The following ATP13A3 variants were observed in gnomAD, a reference collection of about 807,000 sequenced individuals.
The protein encoded by ATP13A3 is polyamine-transporting ATPase 13A3.
ATP13A3 carries 59 observed loss-of-function variants against 158.1 expected under a neutral mutation model. That is an observed-to-expected ratio of 0.37 (90% CI 0.30 to 0.46). The LOEUF (loss-of-function observed/expected upper bound fraction) is 0.46. Among genes scored for constraint, ATP13A3 ranks in the 20% least tolerant of loss-of-function variants. ATP13A3 has a pLI of 1.00. For synonymous variants in ATP13A3, 491 were observed against 504.3 expected (o/e 0.97, Z 0.35); for missense variants, 1,166 against 1,525.2 (o/e 0.76, Z 3.92).
chr3:194,420,121 G>T, intron 30 of ATP13A3, 154 bp from the exon 31 acceptor site: 1 of 775,902 alleles, frequency 1.3e-6, no homozygotes, highest in Non-Finnish European at 1.8e-6. Flanking sequence ...GTTATCTCCT[G>T]GAGTATGAGA....
chr3:194,479,649 T>C (rs1200677585), intron 2 of ATP13A3, among the ~76,000 whole-genome samples: 1 of 151,976 alleles, frequency 6.6e-6, no homozygotes, highest in Non-Finnish European at 1.5e-5. Flanking sequence ...ATTCCATGTT[T>C]AAAGAAATCT....
At chr3:194,483,329 C>T (rs757144008) in intron 2 of ATP13A3, among the ~76,000 whole-genome samples, 13 of 150,074 alleles carry the variant, frequency 8.7e-5, no homozygotes, top group Admixed American at 7.3e-4. Context: ...GTGATAAATG[C>T]CTGTAACCCT....
intron 11 of ATP13A3, 138 bp downstream of exon 11, chr3:194,450,007 G>C: frequency 1.1e-6 from 1 of 922,278 alleles, no homozygotes; most frequent in Non-Finnish European, 1.6e-6. Flanking sequence ...GGTCTACTCA[G>C]AATTTTAAAT....
At chr3:194,444,704 T>C in intron 15 of ATP13A3, 21 bp downstream of exon 15, 1 of 1,555,572 alleles carries the variant, frequency 6.4e-7, no homozygotes, top group Non-Finnish European at 8.7e-7. Context: ...TAATAAACTA[T>C]CAAGTCTAAC....
intron 7 of ATP13A3, 49 bp from the exon 8 acceptor site, chr3:194,456,011 T>C: frequency 8.3e-7 from 1 of 1,210,984 alleles, no homozygotes; most frequent in Non-Finnish European, 1.2e-6. Flanking sequence ...CATAATAGTA[T>C]AATTTACGAA....
intron 26 of ATP13A3, 101 bp downstream of exon 26, chr3:194,429,971 G>T (rs577606047): frequency 3.0e-5 from 34 of 1,122,848 alleles, no homozygotes; most frequent in Admixed American, 1.2e-4. Flanking sequence ...GTGCTAATCT[G>T]CTAATATTAA....
intron 21 of ATP13A3, among the ~76,000 whole-genome samples, chr3:194,433,538 C>A (rs1017311741): frequency 6.6e-6 from 1 of 152,148 alleles, no homozygotes; most frequent in Non-Finnish European, 1.5e-5. Flanking sequence ...CCACCGCGCC[C>A]GGCCGTACTT....
upstream of ATP13A3, among the ~76,000 whole-genome samples, chr3:194,491,442 T>C (rs1329517199): frequency 3.3e-5 from 5 of 152,098 alleles, no homozygotes; most frequent in East Asian, 7.8e-4. Flanking sequence ...TCCTTCCCCA[T>C]TGCTCCATTT....
At chr3:194,481,885 A>C (rs970682573) in intron 2 of ATP13A3, among the ~76,000 whole-genome samples, 1 of 152,250 alleles carries the variant, frequency 6.6e-6, no homozygotes, top group African/African-American at 2.4e-5. Flanking sequence ...ATCAACAAAA[A>C]AGACAAAATT....
At chr3:194,447,781 T>C in intron 13 of ATP13A3, 71 bp downstream of exon 13, 1 of 1,376,634 alleles carries the variant, frequency 7.3e-7, no homozygotes, top group Non-Finnish European at 1.0e-6. Flanking sequence ...GTAGCCACAT[T>C]TCAAATCCTC....
chr3:194,407,495 T>A (rs1400273560), intron 33 of ATP13A3, among the ~76,000 whole-genome samples: 2 of 152,180 alleles, frequency 1.3e-5, no homozygotes, highest in Non-Finnish European at 2.9e-5. Flanking sequence ...CTCTTTCTCA[T>A]CCAGTTGAAA....
At chr3:194,446,045 T>TG (rs34648644) in intron 14 of ATP13A3, among the ~76,000 whole-genome samples, 19,604 of 152,170 alleles carry the variant, frequency 0.13, 1,412 homozygotes, top group South Asian at 0.24. Flanking sequence ...TAAGAATTAC[T>TG]GTCTAAAAAA....
chr3:194,430,394 A>G, intron 24 of ATP13A3, 79 bp from the exon 25 acceptor site: 1 of 1,442,874 alleles, frequency 6.9e-7, no homozygotes. Context: ...CTTTTCTATT[A>G]CAGTATTATA....
chr3:194,492,259 C>T (rs1445053515), intron 2 of ATP13A3, among the ~76,000 whole-genome samples: 1 of 152,074 alleles, frequency 6.6e-6, no homozygotes, highest in Non-Finnish European at 1.5e-5. Flanking sequence ...TTTGTACAAT[C>T]TATTCTTTCC....
In ATP13A3 at chr3:194,430,082, T is replaced by C; in HGVS notation, c.2767A>G (p.Asn923Asp). The stretch of plus-strand genomic sequence containing the variant: ...TTTAATTTGTACTACCTGATAAGGT[T>C]TGGCACACAGGAAATACTAGGAGTC... The part of the protein sequence containing the change: ...SKTPSISCVP[N>D]LIREGRAALI... The change falls in exon 26 of 34, where the codon AAC becomes GAC. Residue 923 changes from asparagine to aspartate, a missense_variant. This residue lies in a region of ATP13A3 where 997 missense variants were observed against 1,341.2 expected (regional missense o/e 0.74). Coordinates refer to ENST00000645319, the MANE Select transcript of ATP13A3 (RefSeq NM_001367549.1). The C allele has an allele frequency of 1.2e-6, 2 of 1,613,856 alleles. No individual in the cohort carries two copies. The highest frequency in any genetic ancestry group is 2.2e-5 in the South Asian group (2 of 91,044).
intron 3 of ATP13A3, among the ~76,000 whole-genome samples, chr3:194,461,513 A>G (rs1213371954): frequency 6.6e-6 from 1 of 152,244 alleles, no homozygotes; most frequent in African/African-American, 2.4e-5. Context: ...CACTGCGACT[A>G]ATCAATTTGA....
At chr3:194,475,029 C>T (rs114574323) in intron 2 of ATP13A3, among the ~76,000 whole-genome samples, 227 of 151,848 alleles carry the variant, frequency 1.5e-3, no homozygotes, top group African/African-American at 5.1e-3. Flanking sequence ...ACTGAAATAG[C>T]GCAGCACGGT....
intron 2 of ATP13A3, among the ~76,000 whole-genome samples, chr3:194,472,640 T>C (rs1385506355): frequency 4.6e-5 from 7 of 152,130 alleles, no homozygotes; most frequent in African/African-American, 1.7e-4. Context: ...AGCAATCCCA[T>C]TACTAGGTAT....
At chr3:194,476,720 T>C (rs989015353) in intron 2 of ATP13A3, among the ~76,000 whole-genome samples, 2 of 151,806 alleles carry the variant, frequency 1.3e-5, no homozygotes, top group Admixed American at 6.6e-5. Context: ...TTGTCTGTAG[T>C]AGCAATTCCC....
Sources: gnomAD v4.1 joint callset for allele counts (sites outside exome capture counted in the v4.1 genomes callset) on GRCh38, gnomAD v4.1.1 for gene constraint, gnomAD v4.1.1 regional missense constraint, MANE v1.5 for transcripts, NCBI Gene and HGNC (gene_info 2026-07-23, HGNC 2026-07-21) for gene names.